ELMOD1: variants seen among roughly 807,000 people sequenced by gnomAD.
ELMOD1 encodes the protein ELMO domain-containing protein 1.
ELMOD1 carries 21 observed loss-of-function variants against 46.7 expected under a neutral mutation model. The ratio of observed to expected loss-of-function variants is 0.45; its 90% CI spans 0.32 to 0.65. The LOEUF is 0.65. Ranked by LOEUF, ELMOD1 falls within the 30% of genes least tolerant of loss-of-function variation. The pLI is 0.04. For synonymous variants in ELMOD1, 122 were observed against 138.2 expected, an observed-to-expected ratio of 0.88 and a Z score of 0.82; for missense variants, 348 against 407.8, an observed-to-expected ratio of 0.85 and a Z score of 1.26.
At chr11:107,645,598 T>G (rs1241529574) in intron 6 of ELMOD1, among the ~76,000 whole-genome samples, 1 of 151,018 alleles carries the variant, frequency 6.6e-6, no homozygotes, top group Non-Finnish European at 1.5e-5. Flanking sequence ...GTGCTGGGAT[T>G]ACAGGCATGA....
At chr11:107,629,110 T>C (rs371265175) in intron 2 of ELMOD1, among the ~76,000 whole-genome samples, 1 of 152,338 alleles carries the variant, frequency 6.6e-6, no homozygotes, top group South Asian at 2.1e-4. Flanking sequence ...CCATTTCCTT[T>C]GCATTTATAA....
chr11:107,624,817 A>G (rs1565378127), intron 2 of ELMOD1, among the ~76,000 whole-genome samples: 1 of 152,158 alleles, frequency 6.6e-6, no homozygotes, highest in South Asian at 2.1e-4. Flanking sequence ...TTCAGATACA[A>G]TTTCCCTGGA....
intron 1 of ELMOD1, among the ~76,000 whole-genome samples, chr11:107,613,165 C>T (rs1865807579): frequency 2.0e-5 from 3 of 152,126 alleles, no homozygotes. Flanking sequence ...CTTCACTTGA[C>T]AAAATGATCT....
chr11:107,623,057 G>T (rs1375884264), intron 2 of ELMOD1, among the ~76,000 whole-genome samples: 2 of 152,132 alleles, frequency 1.3e-5, no homozygotes, highest in Non-Finnish European at 2.9e-5. Context: ...CATGTGCCAT[G>T]TTGGTGTGCT....
rs1565391274 is a variant in ELMOD1 at position 107,656,083 on chromosome 11, A to G, written c.832+17A>G. 1.3e-6 allele frequency: 2 copies of G among 1,551,410 alleles called. No homozygotes were observed. Among genetic ancestry groups the G allele is most frequent in the South Asian group, 2.4e-5 (2 of 84,056 alleles). On this transcript the variant is annotated intron_variant, in intron 11 of 11. Transcript: ENST00000265840. The stretch of plus-strand genomic sequence containing the variant: ...AAACATTCTGTAAGTATCCTGTTGT[A>G]TAATTATCAATATAGGTTTCTACGC...
chr11:107,661,950 A>G (rs1374087396), intron 11 of ELMOD1, among the ~76,000 whole-genome samples: 1 of 152,220 alleles, frequency 6.6e-6, no homozygotes, highest in Non-Finnish European at 1.5e-5. Context: ...TTTTCCATAC[A>G]TAGCTAGTAT....
At chr11:107,662,608 C>T (rs1866760542) in intron 11 of ELMOD1, among the ~76,000 whole-genome samples, 1 of 128,076 alleles carries the variant, frequency 7.8e-6, no homozygotes, top group Admixed American at 7.3e-5. Context: ...GAAACTCTGT[C>T]TCAAAAAAAA....
rs568716676 is a variant in ELMOD1 at position 107,593,946 on chromosome 11, T to C, written c.-86+2537T>C. Among the ~76,000 whole-genome samples the C allele has an allele frequency of 4.1e-3, 632 of 152,320 alleles. 2 individuals are homozygous for C. The highest frequency in any genetic ancestry group is 0.014 in the African/African-American group (579 of 41,572). ...CAAGCTCAGTTCTGGTTCAAGCTTTTGAAAATAACTCATGCTTAAAAGTGA... is the reference window on the plus strand; with the variant it reads ...CAAGCTCAGTTCTGGTTCAAGCTTTCGAAAATAACTCATGCTTAAAAGTGA... On this transcript the variant is annotated intron_variant, in intron 1 of 11. Coordinates refer to ENST00000265840, the MANE Select transcript of ELMOD1 (RefSeq NM_018712.4).
intron 1 of ELMOD1, among the ~76,000 whole-genome samples, chr11:107,616,329 C>T (rs1312361078): frequency 6.6e-6 from 1 of 151,752 alleles, no homozygotes; most frequent in Non-Finnish European, 1.5e-5. Flanking sequence ...CCTATCCACA[C>T]TGTACTCAGA....
At position 107,666,643 on chromosome 11, in the gene ELMOD1, T is replaced by A. The variant is rs1247723410; in HGVS notation, c.*1446T>A. The A allele has an allele frequency of 6.5e-6, 1 of 152,696 alleles. No homozygotes were observed. The highest frequency in any genetic ancestry group is 1.5e-5 in the Non-Finnish European group (1 of 68,048). 9.5% of individuals were successfully genotyped at this position (152,696 alleles called of 1,614,324 possible). Reference sequence around the variant, plus strand: ...TATTTACCATGGCATTTCATACCCATGGTATTTTATACCTTCTGACTATCA... The same window carrying A: ...TATTTACCATGGCATTTCATACCCAAGGTATTTTATACCTTCTGACTATCA... On this transcript the variant is annotated 3_prime_UTR_variant, in exon 12 of 12. Coordinates refer to ENST00000265840, the MANE Select transcript of ELMOD1 (RefSeq NM_018712.4).
chr11:107,662,230 A>G (rs529948165), intron 11 of ELMOD1, among the ~76,000 whole-genome samples: 1 of 152,290 alleles, frequency 6.6e-6, no homozygotes, highest in African/African-American at 2.4e-5. Context: ...TGAAGCCTCA[A>G]ACTCCTGGGC....
chr11:107,662,540 G>A (rs1278854156), intron 11 of ELMOD1, among the ~76,000 whole-genome samples: 1 of 151,022 alleles, frequency 6.6e-6, no homozygotes, highest in Non-Finnish European at 1.5e-5. Context: ...AACCCGGGAG[G>A]CAGAGGTTGT....
intron 11 of ELMOD1, among the ~76,000 whole-genome samples, chr11:107,662,135 C>A (rs1484630073): frequency 6.6e-6 from 1 of 152,126 alleles, no homozygotes; most frequent in Non-Finnish European, 1.5e-5. Context: ...TGAGGAAGAA[C>A]CTTTATTTGT....
At chr11:107,594,504 A>G (rs1865460217) in intron 1 of ELMOD1, among the ~76,000 whole-genome samples, 1 of 152,198 alleles carries the variant, frequency 6.6e-6, no homozygotes, top group South Asian at 2.1e-4. Context: ...ACCTCAGTGC[A>G]TTTAAAATAG....
chr11:107,618,240 G>A, intron 2 of ELMOD1, 34 bp downstream of exon 2: 1 of 1,554,298 alleles, frequency 6.4e-7, no homozygotes, highest in Non-Finnish European at 8.7e-7. Context: ...TGAGCCCTCT[G>A]CAGTGGGAGA....
chr11:107,646,885 A>G (rs767939811), intron 6 of ELMOD1, among the ~76,000 whole-genome samples: 1 of 150,096 alleles, frequency 6.7e-6, no homozygotes, highest in Non-Finnish European at 1.5e-5. Flanking sequence ...TCTTTTCTTT[A>G]TACTCTTAAA....
intron 10 of ELMOD1, among the ~76,000 whole-genome samples, chr11:107,654,728 C>T (rs1220585001): frequency 2.1e-5 from 3 of 143,538 alleles, no homozygotes; most frequent in Non-Finnish European, 4.5e-5. Context: ...GAGATGGCGC[C>T]ACTGCACTCC....
At chr11:107,616,710 G>A (rs949189178) in intron 1 of ELMOD1, among the ~76,000 whole-genome samples, 8 of 151,634 alleles carry the variant, frequency 5.3e-5, no homozygotes, top group South Asian at 2.1e-4. Context: ...GAGTGGCTAC[G>A]TCAATTATTT....
intron 11 of ELMOD1, among the ~76,000 whole-genome samples, chr11:107,662,306 G>T (rs973485360): frequency 1.3e-5 from 2 of 152,118 alleles, no homozygotes; most frequent in African/African-American, 4.8e-5. Flanking sequence ...ACCATAGCTA[G>T]CTTATTCTAA....
Sources: allele counts gnomAD v4.1 joint callset (sites outside exome capture counted in the v4.1 genomes callset), GRCh38; gene constraint gnomAD v4.1.1; transcripts MANE v1.5; gene names NCBI Gene and HGNC (gene_info 2026-07-23, HGNC 2026-07-21).